The following DPP6 variants were observed in gnomAD, a reference collection of about 807,000 sequenced individuals.
The protein encoded by DPP6 is dipeptidyl peptidase like 6.
Under a neutral mutation model 122.6 loss-of-function variants are expected in DPP6, and 69 were observed. The observed-to-expected ratio is 0.56, with a 90% confidence interval of 0.46 to 0.69. DPP6 has a LOEUF of 0.69. DPP6 is among the 30% of genes least tolerant of loss of function. The pLI is 0.00. For missense variants in DPP6, 928 were observed against 1,116.9 expected, an observed-to-expected ratio of 0.83 and a Z score of 2.41; for synonymous variants, 418 against 433.1, an observed-to-expected ratio of 0.97 and a Z score of 0.43.
At chr7:154,017,984 G>C (rs1798510740) in intron 1 of DPP6, among the ~76,000 whole-genome samples, 1 of 152,158 alleles carries the variant, frequency 6.6e-6, no homozygotes, top group Admixed American at 6.5e-5. Flanking sequence ...TTCTCTGGCA[G>C]AGTGCAGGGC....
At chr7:154,527,990 GA>G (rs368811292) in intron 3 of DPP6, among the ~76,000 whole-genome samples, 11,672 of 143,108 alleles carry the variant, frequency 0.082, 459 homozygotes, top group African/African-American at 0.093. Context: ...ATATCAGTTT[GA>G]AAAAAAAAAC....
intron 1 of DPP6, among the ~76,000 whole-genome samples, chr7:154,248,091 T>C (rs1484069468): frequency 6.6e-6 from 1 of 152,130 alleles, no homozygotes; most frequent in Non-Finnish European, 1.5e-5. Context: ...TGTTCTCACA[T>C]GGCAGAAAGA....
chr7:154,042,938 G>A (rs1203384464), intron 1 of DPP6, among the ~76,000 whole-genome samples: 2 of 152,162 alleles, frequency 1.3e-5, no homozygotes, highest in Non-Finnish European at 2.9e-5. Flanking sequence ...CATTGGCAAT[G>A]CCATCATTTA....
intron 3 of DPP6, among the ~76,000 whole-genome samples, chr7:154,523,785 A>C (rs936553531): frequency 5.3e-5 from 8 of 152,144 alleles, no homozygotes; most frequent in Non-Finnish European, 1.2e-4. Flanking sequence ...GTTTATCTAT[A>C]ATGTCTACTT....
At chr7:153,918,567 TCTCTCTCTCTCTC>T (rs1800474961) in intron 1 of DPP6, among the ~76,000 whole-genome samples, 1 of 46,162 alleles carries the variant, frequency 2.2e-5, no homozygotes, top group Non-Finnish European at 4.0e-5. Context: ...ACACACACAG[TCTCTCTCTCTCTC>T]TCTCTCTCTC....
intron 3 of DPP6, among the ~76,000 whole-genome samples, chr7:154,524,444 G>A (rs1383369239): frequency 6.6e-6 from 1 of 152,130 alleles, no homozygotes; most frequent in Non-Finnish European, 1.5e-5. Context: ...CACAAACCTG[G>A]CTGTTGGCAG....
chr7:154,541,280 G>C (rs1025258146), intron 4 of DPP6, among the ~76,000 whole-genome samples: 6 of 152,112 alleles, frequency 3.9e-5, no homozygotes, highest in Admixed American at 3.3e-4. Flanking sequence ...ACAGGCGTGT[G>C]CCGCCGTGCC....
At position 154,282,097 on chromosome 7, in the gene DPP6, T is replaced by C. The variant is rs565834445; in HGVS notation, c.244-164117T>C. Among the ~76,000 whole-genome samples the C allele has an allele frequency of 2.0e-5, 3 of 152,254 alleles. No individual in the cohort carries two copies. The South Asian group carries it at 6.2e-4, about 32-fold the overall frequency. ...GAGAGAGTGTCCTGAGAACCAAGTG[T>C]AATGATGTGTGTTGAGGGGTGGGGA... On this transcript the variant is annotated intron_variant, in intron 1 of 25. Coordinates refer to ENST00000377770, the MANE Select transcript of DPP6 (RefSeq NM_130797.4). This position sits in a 1 kb window ranked among gnomAD's most constrained non-coding sequence, Gnocchi z 4.8.
intron 17 of DPP6, among the ~76,000 whole-genome samples, chr7:154,862,686 G>A (rs1355991083): frequency 6.6e-6 from 1 of 152,136 alleles, no homozygotes. Context: ...TCATCCGTGG[G>A]CTGGAGGACA....
chr7:154,073,763 G>A (rs1488529635), intron 1 of DPP6, among the ~76,000 whole-genome samples: 17 of 152,144 alleles, frequency 1.1e-4, no homozygotes, highest in Non-Finnish European at 2.4e-4. Context: ...AAAACTTGCT[G>A]TTACTTAATG....
chr7:154,127,634 G>GACACACACACACAGACACACAC (rs1563225782), intron 1 of DPP6, among the ~76,000 whole-genome samples: 2 of 59,778 alleles, frequency 3.3e-5, no homozygotes, highest in African/African-American at 8.6e-5. Context: ...CACACACACA[G>GACACACACACACAGACACACAC]ACACACACAC....
intron 5 of DPP6, among the ~76,000 whole-genome samples, chr7:154,568,508 G>T (rs765798457): frequency 1.3e-5 from 2 of 152,204 alleles, no homozygotes; most frequent in Non-Finnish European, 2.9e-5. Context: ...AGGGGTTCCC[G>T]CAGCCGTGTG....
intron 1 of DPP6, among the ~76,000 whole-genome samples, chr7:154,132,696 A>G (rs1244781313): frequency 2.6e-5 from 4 of 152,056 alleles, no homozygotes; most frequent in Non-Finnish European, 4.4e-5. Context: ...TGCCTAAAGG[A>G]TAACATCCCT....
At chr7:153,957,746 C>A (rs745608989) in intron 1 of DPP6, among the ~76,000 whole-genome samples, 1 of 152,230 alleles carries the variant, frequency 6.6e-6, no homozygotes. Context: ...ACCTCATTAA[C>A]GCTCTCTTTC....
At chr7:154,371,099 C>T (rs1019495295) in intron 1 of DPP6, among the ~76,000 whole-genome samples, 11 of 152,146 alleles carry the variant, frequency 7.2e-5, no homozygotes, top group Non-Finnish European at 1.3e-4. Flanking sequence ...TGAAGTGGGC[C>T]GGGCATGGTG....
chr7:153,964,897 T>G lies in DPP6; in HGVS notation c.51+77163T>G, dbSNP rs1460351265. 1.4e-5 allele frequency among the ~76,000 whole-genome samples: 2 copies of G among 140,142 alleles called. 1 individual carries two copies. The highest frequency in any genetic ancestry group is 3.0e-5 in the Non-Finnish European group (2 of 66,702). The allele number at this position is 140,142 out of a possible 152,430, so 91.9% of individuals were successfully genotyped here. Reference sequence around the variant, plus strand: ...CCTTTTTTTCTTTCTTCCCTTTCTTTCCCTTCTTTTCTTTTCCTTTCTTTC... The same window carrying G: ...CCTTTTTTTCTTTCTTCCCTTTCTTGCCCTTCTTTTCTTTTCCTTTCTTTC... On this transcript the variant is annotated intron_variant, in intron 1 of 25. Transcript: ENST00000404039.
In DPP6 at chr7:154,591,325, C is replaced by T. The variant is rs954073108; in HGVS notation, c.627+24409C>T. Among the ~76,000 whole-genome samples the T allele has an allele frequency of 5.9e-5, 9 of 152,310 alleles. No homozygotes were observed. The East Asian group carries it at 1.7e-3, about 29-fold the overall frequency. On this transcript the variant is annotated intron_variant, in intron 5 of 25. Coordinates refer to ENST00000377770, the MANE Select transcript of DPP6 (RefSeq NM_130797.4). Reference sequence around the variant, plus strand: ...TTTAAGACGGAGTCAAATCATGGGTCTAGCCCTAATGATGAGTAACTGATG... The same window carrying T: ...TTTAAGACGGAGTCAAATCATGGGTTTAGCCCTAATGATGAGTAACTGATG...
intron 16 of DPP6, among the ~76,000 whole-genome samples, chr7:154,829,969 T>C (rs920808587): frequency 3.3e-5 from 5 of 152,122 alleles, no homozygotes; most frequent in Non-Finnish European, 7.4e-5. Flanking sequence ...GCCTGTGCCC[T>C]CCCGCAGCTG....
Position 154,309,917 on chromosome 7 carries a change from G to T in DPP6, c.244-136297G>T, listed in dbSNP as rs376035017. Among the ~76,000 whole-genome samples, 420 of 152,090 alleles carry T rather than the reference G, an allele frequency of 2.8e-3. 2 individuals are homozygous for T. Among genetic ancestry groups the T allele is most frequent in the Non-Finnish European group, 3.5e-3 (241 of 67,936 alleles). ...GTACAGTAAATTCCATCTGTGCATG[G>T]TCTAAATTATCTAAGACTCTGTAGA... is the stretch of plus-strand genomic sequence containing the variant. On this transcript the variant is annotated intron_variant, in intron 1 of 25. Transcript: ENST00000377770.
Sources: gnomAD v4.1 joint callset for allele counts (sites outside exome capture counted in the v4.1 genomes callset) on GRCh38, gnomAD v4.1.1 for gene constraint, Gnocchi (gnomAD v3.1) non-coding constraint, MANE v1.5 for transcripts, NCBI Gene and HGNC (gene_info 2026-07-23, HGNC 2026-07-21) for gene names.